LEF1: variants seen among roughly 807,000 people sequenced by gnomAD.
LEF1 encodes lymphoid enhancer binding factor 1, also known as lymphoid enhancer-binding factor 1.
A neutral mutation model predicts 51.2 loss-of-function variants in LEF1; 14 were observed. That is an observed-to-expected ratio of 0.27 (90% CI 0.18 to 0.43). The LOEUF is 0.43. Among genes scored for constraint, LEF1 ranks in the 20% least tolerant of loss-of-function variants. The pLI, the probability that LEF1 is intolerant of heterozygous loss-of-function variation, is 1.00. For synonymous variants in LEF1, 185 were observed against 183.2 expected (o/e 1.01, Z -0.08); for missense variants, 386 against 512.0 (o/e 0.75, Z 2.37).
chr4:108,095,004 A>G (rs1740290208), intron 3 of LEF1, among the ~76,000 whole-genome samples: 1 of 152,192 alleles, frequency 6.6e-6, no homozygotes, highest in African/African-American at 2.4e-5. Context: ...TCTAGACCTC[A>G]GAAACAAGGT....
intron 11 of LEF1, among the ~76,000 whole-genome samples, chr4:108,063,016 T>C (rs936274110): frequency 1.3e-5 from 2 of 152,154 alleles, no homozygotes; most frequent in African/African-American, 4.8e-5. Context: ...ATATTACTTA[T>C]AAATACTAGA....
chr4:108,071,247 A>G (rs1245308916), intron 8 of LEF1, among the ~76,000 whole-genome samples: 4 of 152,226 alleles, frequency 2.6e-5, no homozygotes, highest in African/African-American at 9.6e-5. Context: ...CCATTTTGTC[A>G]TATGAAGAGC....
chr4:108,165,113 T>C lies in LEF1; in HGVS notation c.264A>G (p.Arg88=), dbSNP rs144228524. ...GTGTCTTACCGTCATCGGGGTGTTC[T>C]CTGGCCTTGTCGTGGTAGGGCTCCT... is the stretch of plus-strand genomic sequence containing the variant. The part of the protein sequence containing the change: ...TSQEPYHDKA[R]EHPDDGKHPD... Residue 88 remains arginine, a synonymous_variant, in exon 2 of 12, where the codon AGA becomes AGG. Transcript: ENST00000265165. 482 of 1,614,040 alleles carry C rather than the reference T, an allele frequency of 3.0e-4. No homozygotes were observed. Among genetic ancestry groups the C allele is most frequent in the Non-Finnish European group, 3.9e-4 (459 of 1,179,998 alleles).
At chr4:108,092,442 C>T (rs149163272) in intron 3 of LEF1, among the ~76,000 whole-genome samples, 6 of 152,110 alleles carry the variant, frequency 3.9e-5, no homozygotes, top group Non-Finnish European at 7.4e-5. Context: ...ACTTACACTG[C>T]GGATATGTGG....
intron 3 of LEF1, among the ~76,000 whole-genome samples, chr4:108,124,208 T>C (rs921394013): frequency 6.6e-6 from 1 of 152,288 alleles, no homozygotes; most frequent in Non-Finnish European, 1.5e-5. Flanking sequence ...TTACATGAGA[T>C]AACTGATATT....
At position 108,104,872 on chromosome 4, in the gene LEF1, C is replaced by T. The variant is rs529140934; in HGVS notation, c.415-15615G>A. Among the ~76,000 whole-genome samples, 4 of 152,272 alleles carry T rather than the reference C, an allele frequency of 2.6e-5. No homozygotes were observed. In the East Asian group the frequency reaches 7.7e-4, roughly 29 times the overall value. On this transcript the variant is annotated intron_variant, in intron 3 of 11. Transcript: ENST00000265165. ...GCTAGGAGTTGGAGGTGTGCCTTTTCAGGTATCCTCCAAACTGCCAGAGGA... is the reference window on the plus strand; with the variant it reads ...GCTAGGAGTTGGAGGTGTGCCTTTTTAGGTATCCTCCAAACTGCCAGAGGA...
chr4:108,133,958 C>T (rs1222085213), intron 3 of LEF1, among the ~76,000 whole-genome samples: 2 of 152,162 alleles, frequency 1.3e-5, no homozygotes, highest in African/African-American at 2.4e-5. Context: ...TGGGGCTGCA[C>T]GTCTTACAAC....
intron 6 of LEF1, among the ~76,000 whole-genome samples, chr4:108,079,863 T>C (rs1308411802): frequency 6.6e-6 from 1 of 152,216 alleles, no homozygotes; most frequent in Non-Finnish European, 1.5e-5. Flanking sequence ...GAAAAGTAAT[T>C]ATTGGAAATA....
At chr4:108,116,396 C>A (rs953961225) in intron 3 of LEF1, among the ~76,000 whole-genome samples, 2 of 152,308 alleles carry the variant, frequency 1.3e-5, no homozygotes, top group Non-Finnish European at 2.9e-5. Context: ...GTGGCACATG[C>A]CTGTGGTCCC....
At chr4:108,085,331 G>A (rs191809568) in intron 4 of LEF1, among the ~76,000 whole-genome samples, 29 of 152,268 alleles carry the variant, frequency 1.9e-4, no homozygotes, top group Admixed American at 6.5e-4. Context: ...TGATCCGCCC[G>A]CCTCGTCCTC....
chr4:108,107,199 G>C (rs571955978), intron 3 of LEF1, among the ~76,000 whole-genome samples: 1 of 152,000 alleles, frequency 6.6e-6, no homozygotes. Context: ...CTCGGAAGAA[G>C]AGCTGAGGTC....
At chr4:108,081,760 T>C in intron 5 of LEF1, 91 bp from the exon 6 acceptor site, 1 of 878,788 alleles carries the variant, frequency 1.1e-6, no homozygotes, top group Non-Finnish European at 1.9e-6. Context: ...GAGGGAGATA[T>C]TCAAACAGAA....
At position 108,048,077 on chromosome 4, in the gene LEF1, T is replaced by G. The variant is rs1736734395; in HGVS notation, c.*681A>C. 1.3e-5 allele frequency: 2 copies of G among 152,650 alleles called. No individual in the cohort carries two copies. Among genetic ancestry groups the G allele is most frequent in the Admixed American group, 6.5e-5 (1 of 15,284 alleles). The allele number at this position is 152,650 out of a possible 1,614,324, so 9.5% of individuals were successfully genotyped here. On this transcript the variant is annotated 3_prime_UTR_variant, in exon 12 of 12. Coordinates refer to ENST00000265165, the MANE Select transcript of LEF1 (RefSeq NM_016269.5). ...CTCAGAAAAAGAAGGCTTCTTTTTA[T>G]GTCATTATTTCAAACTTTTCCAGAA...
chr4:108,117,054 T>C (rs1218995239), intron 3 of LEF1, among the ~76,000 whole-genome samples: 2 of 152,238 alleles, frequency 1.3e-5, no homozygotes, highest in Non-Finnish European at 2.9e-5. Flanking sequence ...GTGAAGAGGT[T>C]AGCCTTTTCA....
chr4:108,144,426 T>A (rs1348486540), intron 3 of LEF1, among the ~76,000 whole-genome samples: 7 of 152,274 alleles, frequency 4.6e-5, no homozygotes, highest in Admixed American at 4.6e-4. Context: ...ATCAAGCAGA[T>A]CCCCCTGGGA....
Position 108,070,763 on chromosome 4 carries a change from G to A in LEF1, c.1016C>T (p.Ala339Val), listed in dbSNP as rs1445279707. Residue 339 changes from alanine to valine, a missense_variant, in exon 9 of 12, where the codon GCC (alanine) becomes GTC (valine). Physicochemically the swap from Ala to Val is moderately conservative, Grantham distance 64. This residue lies in a region of LEF1 where 51 missense variants were observed against 121.3 expected (regional missense o/e 0.42). Transcript: ENST00000265165. The part of the protein sequence containing the change: ...INQILGRRWH[A>V]LSREEQAKYY... ...TTTAGCCTGCTCTTCACGGGAGAGG[G>A]CATGCCACTAAAACAGAGAGGAAGG... The A allele has an allele frequency of 6.2e-7, 1 of 1,609,608 alleles. No homozygotes were observed. The highest frequency in any genetic ancestry group is 1.7e-5 in the Admixed American group (1 of 59,926).
intron 3 of LEF1, among the ~76,000 whole-genome samples, chr4:108,124,001 A>G (rs1165404633): frequency 3.9e-5 from 6 of 152,110 alleles, no homozygotes; most frequent in Non-Finnish European, 7.4e-5. Flanking sequence ...AACTAAAAAT[A>G]GCCATGTGTG....
At chr4:108,166,109 C>G (rs922996310) in intron 1 of LEF1, among the ~76,000 whole-genome samples, 1 of 152,118 alleles carries the variant, frequency 6.6e-6, no homozygotes, top group Non-Finnish European at 1.5e-5. Flanking sequence ...GTGTGTCCTC[C>G]CTTTGACCTC....
chr4:108,055,394 G>A (rs1016969602), intron 11 of LEF1, among the ~76,000 whole-genome samples: 7 of 152,134 alleles, frequency 4.6e-5, no homozygotes, highest in African/African-American at 1.4e-4. Context: ...TGAGGTATTC[G>A]TATTCAAATC....
Sources: gnomAD v4.1 joint callset for allele counts (sites outside exome capture counted in the v4.1 genomes callset) on GRCh38, gnomAD v4.1.1 for gene constraint, gnomAD v4.1.1 regional missense constraint, MANE v1.5 for transcripts, NCBI Gene and HGNC (gene_info 2026-07-23, HGNC 2026-07-21) for gene names.